Variants in RGS6 observed in about 807,000 individuals in gnomAD.
RGS6 encodes the protein regulator of G protein signaling 6.
A neutral mutation model predicts 78.5 loss-of-function variants in RGS6; 30 were observed. The observed-to-expected ratio is 0.38, with a 90% CI of 0.29 to 0.52. The LOEUF (loss-of-function observed/expected upper bound fraction) is 0.52, where lower values mean the gene tolerates loss of function less well. Ranked by LOEUF, RGS6 falls within the 20% of genes least tolerant of loss-of-function variation. The pLI, the probability that RGS6 is intolerant of heterozygous loss-of-function variation, is 0.85. For missense variants in RGS6, 495 were observed against 609.7 expected (o/e 0.81, Z 1.98); for synonymous variants, 206 against 206.0 (o/e 1.00, Z 0.00).
chr14:72,415,681 C>T lies in RGS6; in HGVS notation c.185-38847C>T, dbSNP rs371752760. 5.3e-5 allele frequency among the ~76,000 whole-genome samples: 8 copies of T among 152,282 alleles called. No homozygotes were observed. The South Asian group carries it at 8.3e-4, about 16-fold the overall frequency. ...TGTTCCTATTCGGCCATCTTGGCTCCACCCCCCCGGCAACTGCCTATTGTT... is the reference window on the plus strand; with the variant it reads ...TGTTCCTATTCGGCCATCTTGGCTCTACCCCCCCGGCAACTGCCTATTGTT... On this transcript the variant is annotated intron_variant, in intron 3 of 17. Coordinates refer to ENST00000553525, the MANE Select transcript of RGS6 (RefSeq NM_001204424.2).
intron 2 of RGS6, chr14:72,022,650 A>G (rs1430285807): frequency 6.6e-6 from 1 of 152,226 alleles, no homozygotes; most frequent in African/African-American, 2.4e-5. Flanking sequence ...TCCAGCCACC[A>G]GACCAAGCTT....
intron 2 of RGS6, among the ~76,000 whole-genome samples, chr14:72,037,270 C>T (rs946049910): frequency 2.0e-5 from 3 of 152,202 alleles, no homozygotes; most frequent in Admixed American, 2.0e-4. Flanking sequence ...GCTCGGGTCC[C>T]TTCCATCCAC....
At chr14:72,597,295 G>T in the RGS6 span, among the ~76,000 whole-genome samples, 1 of 151,820 alleles carries the variant, frequency 6.6e-6, no homozygotes, top group African/African-American at 2.4e-5. Flanking sequence ...TAATAGCATC[G>T]AATGCATTTG....
intron 2 of RGS6, among the ~76,000 whole-genome samples, chr14:72,285,234 G>A (rs1158274091): frequency 6.6e-6 from 1 of 152,098 alleles, no homozygotes; most frequent in African/African-American, 2.4e-5. Context: ...GGAGGGGCCG[G>A]GGGCAGAATG....
intron 3 of RGS6, among the ~76,000 whole-genome samples, chr14:72,379,016 G>A (rs1047441584): frequency 1.3e-5 from 2 of 152,118 alleles, no homozygotes; most frequent in African/African-American, 4.8e-5. Flanking sequence ...ATGAATGCAA[G>A]GATGATTCAA....
At chr14:71,912,639 C>T in the RGS6 span, among the ~76,000 whole-genome samples, 5 of 152,036 alleles carry the variant, frequency 3.3e-5, no homozygotes, top group African/African-American at 1.2e-4. Flanking sequence ...CCAGATAGAC[C>T]ACCTGGTACC....
chr14:72,570,709 G>A (rs1018375765), downstream of RGS6, among the ~76,000 whole-genome samples: 8 of 152,192 alleles, frequency 5.3e-5, no homozygotes, highest in African/African-American at 1.7e-4. Context: ...GGGATCCAGG[G>A]TAGAGTGAGA....
intron 2 of RGS6, among the ~76,000 whole-genome samples, chr14:72,277,691 G>T (rs1334200034): frequency 6.6e-6 from 1 of 152,136 alleles, no homozygotes; most frequent in African/African-American, 2.4e-5. Context: ...ACTTTGGGAG[G>T]CCGAGGCAGT....
rs1240756087 is a variant in RGS6, at chr14:72,221,606, CT to C, written c.85-130480del. Among the ~76,000 whole-genome samples the C allele has an allele frequency of 1.8e-4, 27 of 151,612 alleles. No individual in the cohort carries two copies. In the East Asian group the frequency reaches 4.3e-3, roughly 24 times the overall value. Reference sequence around the variant, plus strand: ...GAACAAGTGACGACAATCACTTTTACTTTTTTTTTCTGTAATTAATGGAAGG... The same window carrying C: ...GAACAAGTGACGACAATCACTTTTACTTTTTTTTCTGTAATTAATGGAAGG... On this transcript the variant is annotated intron_variant, in intron 2 of 17. Transcript: ENST00000553525.
chr14:72,268,658 T>C (rs907157563), intron 2 of RGS6, among the ~76,000 whole-genome samples: 1 of 152,232 alleles, frequency 6.6e-6, no homozygotes, highest in African/African-American at 2.4e-5. Flanking sequence ...TAATGGACTT[T>C]GCAGCAGTGA....
At chr14:72,462,447 T>A (rs2095805580) in intron 6 of RGS6, among the ~76,000 whole-genome samples, 1 of 151,890 alleles carries the variant, frequency 6.6e-6, no homozygotes, top group Admixed American at 6.6e-5. Context: ...TGGGAAAAAA[T>A]TGGTTCATCT....
downstream of RGS6, among the ~76,000 whole-genome samples, chr14:72,569,158 T>G (rs920798327): frequency 3.0e-4 from 45 of 152,094 alleles, no homozygotes; most frequent in Middle Eastern, 3.4e-3. Context: ...GTTTGTTTAT[T>G]AAGCTATAAT....
intron 17 of RGS6, among the ~76,000 whole-genome samples, chr14:72,552,965 G>A (rs1034724551): frequency 6.6e-6 from 1 of 152,206 alleles, no homozygotes; most frequent in Non-Finnish European, 1.5e-5. Flanking sequence ...CCAAACAAGC[G>A]ATTGCCTGTG....
chr14:72,045,864 C>T (rs2092790905), intron 2 of RGS6, among the ~76,000 whole-genome samples: 1 of 152,048 alleles, frequency 6.6e-6, no homozygotes, highest in South Asian at 2.1e-4. Context: ...GGGCATATTT[C>T]ACAATAGTTA....
chr14:72,436,901 A>G (rs1282383676), intron 3 of RGS6, among the ~76,000 whole-genome samples: 1 of 152,208 alleles, frequency 6.6e-6, no homozygotes, highest in Non-Finnish European at 1.5e-5. Flanking sequence ...GCAGTGAGTC[A>G]GAGTGCAGAG....
intron 2 of RGS6, among the ~76,000 whole-genome samples, chr14:72,301,352 A>G (rs1013688182): frequency 2.0e-5 from 3 of 152,140 alleles, no homozygotes; most frequent in African/African-American, 7.2e-5. Flanking sequence ...ATCATTCTAG[A>G]CTACTCCAGA....
At chr14:72,139,711 G>C (rs934986248) in intron 2 of RGS6, among the ~76,000 whole-genome samples, 3 of 152,134 alleles carry the variant, frequency 2.0e-5, no homozygotes, top group African/African-American at 7.2e-5. Flanking sequence ...AGGAACCAGG[G>C]AAATCCATGG....
chr14:71,916,640 G>T, the RGS6 span, among the ~76,000 whole-genome samples: 1 of 152,228 alleles, frequency 6.6e-6, no homozygotes, highest in African/African-American at 2.4e-5. Context: ...CCCATTCAGA[G>T]ATGGCACCAC....
chr14:72,372,882 T>C (rs6574071), intron 3 of RGS6, among the ~76,000 whole-genome samples: 1 of 152,042 alleles, frequency 6.6e-6, no homozygotes, highest in Non-Finnish European at 1.5e-5. Flanking sequence ...TGCCAGAGTT[T>C]GTGGATGTAT....
Sources: allele counts gnomAD v4.1 joint callset (sites outside exome capture counted in the v4.1 genomes callset), GRCh38; gene constraint gnomAD v4.1.1; transcripts MANE v1.5; gene names NCBI Gene and HGNC (gene_info 2026-07-23, HGNC 2026-07-21).